Variants in SLC17A1 observed in about 807,000 individuals in gnomAD.
The protein encoded by SLC17A1 is sodium-dependent phosphate transport protein 1.
SLC17A1 carries 51 observed loss-of-function variants against 53.5 expected under a neutral mutation model. The ratio of observed to expected loss-of-function variants is 0.95; its 90% confidence interval spans 0.76 to 1.20. The LOEUF is 1.20. SLC17A1 is among the 50% of genes most tolerant of loss of function. SLC17A1 has a pLI of 0.00. For missense variants in SLC17A1, 538 were observed against 568.2 expected, an observed-to-expected ratio of 0.95 and a Z score of 0.54; for synonymous variants, 179 against 198.8, an observed-to-expected ratio of 0.90 and a Z score of 0.84.
At chr6:25,726,494 G>A in the SLC17A1 span, 14 of 1,611,820 alleles carry the variant, frequency 8.7e-6, no homozygotes, top group East Asian at 2.2e-5. Flanking sequence ...GACTTGGCGC[G>A]TGCTTTTCCT....
At chr6:25,794,424 C>A (rs1418234587) in intron 12 of SLC17A1, among the ~76,000 whole-genome samples, 1 of 152,154 alleles carries the variant, frequency 6.6e-6, no homozygotes, top group Non-Finnish European at 1.5e-5. Flanking sequence ...GCATTATATT[C>A]TGAGTTGTGG....
chr6:25,725,966 T>G, the SLC17A1 span, among the ~76,000 whole-genome samples: 1 of 152,154 alleles, frequency 6.6e-6, no homozygotes, highest in South Asian at 2.1e-4. Flanking sequence ...CCCCGTACAT[T>G]CCCGAAATGC....
intron 8 of SLC17A1, among the ~76,000 whole-genome samples, chr6:25,812,009 C>T (rs913712209): frequency 3.3e-5 from 5 of 151,990 alleles, no homozygotes; most frequent in Non-Finnish European, 5.9e-5. Flanking sequence ...TATCATGAAA[C>T]GTAAAAGCAC....
At chr6:25,726,825 A>G in the SLC17A1 span, 1 of 1,468,550 alleles carries the variant, frequency 6.8e-7, no homozygotes, top group Non-Finnish European at 9.2e-7. Flanking sequence ...GGAGCTGTTT[A>G]ATACTGAAGA....
At position 25,812,988 on chromosome 6, in the gene SLC17A1, C is replaced by T; in HGVS notation, c.740G>A (p.Ser247Asn). Residue 247 changes from serine (S) to asparagine (N), a missense_variant, in exon 8 of 13, where the codon AGT becomes AAT. By Grantham distance (46) the Ser-to-Asn change is conservative. Transcript: ENST00000244527. ...GATAGGCAGAGATTGTCTACTTGAA[C>T]TGACCTGGAGAGAAATTCATTAAGA... is the stretch of plus-strand genomic sequence containing the variant. ...YITSSLVQQV[S>N]SSRQSLPIKA... 6.2e-7 allele frequency: 1 copy of T among 1,613,858 alleles called. No homozygotes were observed.
chr6:25,745,414 C>T, the SLC17A1 span, among the ~76,000 whole-genome samples: 1 of 152,040 alleles, frequency 6.6e-6, no homozygotes, highest in African/African-American at 2.4e-5. Flanking sequence ...AAAAACATAC[C>T]AGCACATAAC....
intron 12 of SLC17A1, among the ~76,000 whole-genome samples, chr6:25,793,071 A>C (rs1004359788): frequency 6.6e-6 from 1 of 152,204 alleles, no homozygotes; most frequent in Non-Finnish European, 1.5e-5. Flanking sequence ...CATGACCTGG[A>C]AGCACTACAT....
intron 3 of SLC17A1, among the ~76,000 whole-genome samples, chr6:25,822,690 G>A (rs1764606348): frequency 6.6e-6 from 1 of 151,990 alleles, no homozygotes; most frequent in Admixed American, 6.6e-5. Context: ...TACAACTCCC[G>A]TGAGTAGCCA....
the SLC17A1 span, among the ~76,000 whole-genome samples, chr6:25,761,328 C>T: frequency 5.0e-4 from 76 of 152,150 alleles, no homozygotes; most frequent in Non-Finnish European, 3.4e-4. Flanking sequence ...CCCTTATAAT[C>T]GCCTCCCTGG....
At chr6:25,823,881 C>T (rs1764649726) in intron 3 of SLC17A1, among the ~76,000 whole-genome samples, 1 of 151,934 alleles carries the variant, frequency 6.6e-6, no homozygotes, top group South Asian at 2.1e-4. Context: ...TGTCTTTACA[C>T]TAATTCTACA....
the SLC17A1 span, among the ~76,000 whole-genome samples, chr6:25,743,748 T>G: frequency 0.012 from 1,856 of 152,340 alleles, 21 homozygotes; most frequent in Non-Finnish European, 0.017. Context: ...ATACTGCTCC[T>G]GGCCTGGGAA....
intron 10 of SLC17A1, among the ~76,000 whole-genome samples, chr6:25,809,890 A>G (rs976621387): frequency 6.6e-6 from 1 of 152,168 alleles, no homozygotes; most frequent in Non-Finnish European, 1.5e-5. Flanking sequence ...AATAATAAAA[A>G]TAACATGATA....
the SLC17A1 span, among the ~76,000 whole-genome samples, chr6:25,727,461 G>C: frequency 1.3e-5 from 2 of 148,566 alleles, no homozygotes; most frequent in African/African-American, 5.0e-5. Context: ...GCGGAATCTC[G>C]GCTCACTGCA....
At chr6:25,726,321 A>G in the SLC17A1 span, 3 of 1,614,106 alleles carry the variant, frequency 1.9e-6, no homozygotes, top group Non-Finnish European at 2.5e-6. Context: ...CGCGAGACGC[A>G]TTGCCTGCCA....
At chr6:25,776,639 C>T in the SLC17A1 span, 1 of 1,613,374 alleles carries the variant, frequency 6.2e-7, no homozygotes, top group Non-Finnish European at 8.5e-7. Flanking sequence ...GATGTATCTG[C>T]ATTATCCTTG....
At chr6:25,732,131 A>G in the SLC17A1 span, 1 of 579,618 alleles carries the variant, frequency 1.7e-6, no homozygotes. Flanking sequence ...CTTTTCGGAA[A>G]TGGTAGTGCC....
intron 6 of SLC17A1, among the ~76,000 whole-genome samples, chr6:25,813,776 C>T (rs1251603958): frequency 6.6e-6 from 1 of 152,148 alleles, no homozygotes; most frequent in African/African-American, 2.4e-5. Flanking sequence ...TGTTGTTCCC[C>T]TCTACGTGTT....
At chr6:25,725,410 G>C in the SLC17A1 span, among the ~76,000 whole-genome samples, 1,450 of 152,194 alleles carry the variant, frequency 9.5e-3, 21 homozygotes, top group African/African-American at 0.026. Flanking sequence ...CAAATTTTAA[G>C]ATTAACTTAC....
At position 25,811,445 on chromosome 6, in the gene SLC17A1, G is replaced by A; in HGVS notation, c.1131C>T (p.Ser377=). Residue 377 remains serine (S), a synonymous_variant, in exon 10 of 13, where the codon AGC becomes AGT. Transcript: ENST00000244527. ...TTATAAACACTCCACCCAAGCAAAA[G>A]CTGCCTGTTGCACCAGCAAGTATTA... ...IFLILAGATG[S]FCLGGVFING... The A allele has an allele frequency of 2.5e-6, 4 of 1,613,862 alleles. No homozygotes were observed. The highest frequency in any genetic ancestry group is 3.4e-6 in the Non-Finnish European group (4 of 1,179,890).
Sources: allele counts gnomAD v4.1 joint callset (sites outside exome capture counted in the v4.1 genomes callset), GRCh38; gene constraint gnomAD v4.1.1; transcripts MANE v1.5; gene names NCBI Gene and HGNC (gene_info 2026-07-23, HGNC 2026-07-21).